The following SMG6 variants were observed in gnomAD, a reference collection of about 807,000 sequenced individuals.
SMG6 encodes SMG6 nonsense mediated mRNA decay factor, also known as telomerase-binding protein EST1A.
A neutral mutation model predicts 142.2 loss-of-function variants in SMG6; 66 were observed. The observed-to-expected ratio is 0.46, with a 90% CI of 0.38 to 0.57. SMG6 has a LOEUF of 0.57. SMG6 is among the 20% of genes least tolerant of loss of function. The probability of loss-of-function intolerance (pLI) is 0.00; values close to 1 mark genes in which losing one functional copy is unlikely to be tolerated. For synonymous variants in SMG6, 779 were observed against 702.4 expected (o/e 1.11, Z -1.72); for missense variants, 1,793 against 1,832.0 (o/e 0.98, Z 0.39).
intron 13 of SMG6, among the ~76,000 whole-genome samples, chr17:2,091,316 C>T (rs150187739): frequency 3.4e-3 from 513 of 152,320 alleles, no homozygotes; most frequent in Non-Finnish European, 5.5e-3. Context: ...CTCCAGAAGG[C>T]AGGAGCGAAA....
intron 3 of SMG6, 110 bp downstream of exon 3, chr17:2,297,753 T>C: frequency 1.5e-6 from 2 of 1,309,626 alleles, no homozygotes; most frequent in South Asian, 1.3e-5. Flanking sequence ...AAAAGGGCAG[T>C]TTTTTTGTCG....
intron 9 of SMG6, among the ~76,000 whole-genome samples, chr17:2,241,645 C>T (rs78935508): frequency 6.6e-6 from 1 of 152,162 alleles, no homozygotes; most frequent in East Asian, 1.9e-4. Flanking sequence ...CCCACCTTGG[C>T]CTCTCAAAAT....
chr17:2,125,343 A>G (rs920027842), intron 13 of SMG6, among the ~76,000 whole-genome samples: 7 of 152,192 alleles, frequency 4.6e-5, no homozygotes, highest in Non-Finnish European at 7.3e-5. Context: ...TGATTCAGAT[A>G]CTACAAGGCC....
intron 1 of SMG6, among the ~76,000 whole-genome samples, chr17:2,301,982 G>A (rs1239499020): frequency 6.6e-6 from 1 of 152,230 alleles, no homozygotes; most frequent in Non-Finnish European, 1.5e-5. Flanking sequence ...GCCAGGTGCA[G>A]TAGCTCACGC....
At chr17:2,066,245 C>T (rs541265891) in intron 16 of SMG6, among the ~76,000 whole-genome samples, 6 of 152,062 alleles carry the variant, frequency 3.9e-5, no homozygotes, top group South Asian at 2.1e-4. Flanking sequence ...TGATACTGCA[C>T]GTGTGTGTGT....
At chr17:2,188,968 C>T (rs1204687911) in intron 10 of SMG6, among the ~76,000 whole-genome samples, 2 of 152,216 alleles carry the variant, frequency 1.3e-5, no homozygotes, top group East Asian at 1.9e-4. Context: ...CCACCCTGAA[C>T]GCGCCCGATC....
At chr17:2,284,533 TCTCA>T (rs991573838) in intron 6 of SMG6, among the ~76,000 whole-genome samples, 1 of 152,190 alleles carries the variant, frequency 6.6e-6, no homozygotes, top group African/African-American at 2.4e-5. Flanking sequence ...CAAAAGGCTT[TCTCA>T]CTTTTTCTCC....
At chr17:2,140,777 G>A (rs1453037063) in intron 13 of SMG6, among the ~76,000 whole-genome samples, 2 of 151,664 alleles carry the variant, frequency 1.3e-5, no homozygotes, top group East Asian at 3.9e-4. Flanking sequence ...AAAAGCCATT[G>A]AAGCTGTCTT....
At chr17:2,170,915 T>C (rs1476582013) in intron 13 of SMG6, among the ~76,000 whole-genome samples, 1 of 152,192 alleles carries the variant, frequency 6.6e-6, no homozygotes, top group Non-Finnish European at 1.5e-5. Flanking sequence ...AAAAGAATTC[T>C]GGGTAACTAT....
At chr17:2,220,976 G>A (rs1198843535) in intron 10 of SMG6, among the ~76,000 whole-genome samples, 3 of 152,166 alleles carry the variant, frequency 2.0e-5, no homozygotes, top group Non-Finnish European at 2.9e-5. Context: ...AATTGCTCCA[G>A]TTAGGTGAAT....
At chr17:2,179,583 T>A (rs1265182324) in intron 12 of SMG6, among the ~76,000 whole-genome samples, 1 of 61,696 alleles carries the variant, frequency 1.6e-5, no homozygotes, top group Non-Finnish European at 3.1e-5. Context: ...ATTTCTAGAG[T>A]TTTTTTTTTT....
In SMG6 at chr17:2,071,119, C is replaced by T. The variant is rs1447257941; in HGVS notation, c.3682-2188G>A. Among the ~76,000 whole-genome samples, 3 of 152,212 alleles carry T rather than the reference C, an allele frequency of 2.0e-5. No individual in the cohort carries two copies. Among genetic ancestry groups the T allele is most frequent in the Non-Finnish European group, 4.4e-5 (3 of 68,044 alleles). On this transcript the variant is annotated intron_variant, in intron 15 of 18. Transcript: ENST00000263073. This position sits in a 1 kb window ranked among gnomAD's most constrained non-coding sequence, Gnocchi z 5.6. ...TAGGGAGACGTGGGAGCAGTGGCAG[C>T]TGGAGTGACAGGGGCTGGGGGTCCG...
intron 9 of SMG6, chr17:2,237,453 C>T: frequency 1.1e-6 from 1 of 925,958 alleles, no homozygotes; most frequent in Non-Finnish European, 1.3e-6. Flanking sequence ...ACTGACTGTT[C>T]CGCCTAACGA....
At chr17:2,105,429 C>T in intron 13 of SMG6, among the ~76,000 whole-genome samples, 1 of 151,948 alleles carries the variant, frequency 6.6e-6, no homozygotes, top group East Asian at 1.9e-4. Context: ...GCCTGTAATC[C>T]CAGCTACCTG....
intron 6 of SMG6, among the ~76,000 whole-genome samples, chr17:2,286,246 T>C (rs1567749129): frequency 1.3e-5 from 2 of 151,410 alleles, no homozygotes; most frequent in African/African-American, 4.9e-5. Context: ...TCCAATGATT[T>C]TGCAAAAATG....
rs1208935912 is a variant in SMG6, at chr17:2,233,764, T to C, written c.2869+2728A>G. On this transcript the variant is annotated intron_variant, in intron 10 of 18. Coordinates refer to ENST00000263073, the MANE Select transcript of SMG6 (RefSeq NM_017575.5). ...ACAGGGGACCAAAGATGATGACTCA[T>C]GTGCTGGGAAATGGAAAAGTGCATC... Among the ~76,000 whole-genome samples the C allele has an allele frequency of 1.0e-4, 15 of 150,454 alleles. No homozygotes were observed. The Admixed American group carries it at 1.0e-3, about 10-fold the overall frequency.
At chr17:2,200,644 G>A (rs754111295) in intron 10 of SMG6, among the ~76,000 whole-genome samples, 1 of 152,098 alleles carries the variant, frequency 6.6e-6, no homozygotes, top group Non-Finnish European at 1.5e-5. Context: ...AGAATTAGAG[G>A]CATGAGCCAC....
intron 16 of SMG6, among the ~76,000 whole-genome samples, chr17:2,067,681 G>A (rs575693076): frequency 9.7e-4 from 147 of 152,262 alleles, no homozygotes; most frequent in African/African-American, 3.3e-3. Context: ...GAAGGAAGAC[G>A]GGGAGGGTGG....
rs369966608 is a variant in SMG6, at chr17:2,232,269, G to A, written c.2869+4223C>T. On this transcript the variant is annotated intron_variant, in intron 10 of 18. Coordinates refer to ENST00000263073, the MANE Select transcript of SMG6 (RefSeq NM_017575.5). ...AAATTAAAATTCTTGGAGTACTTGT[G>A]GTTTAGATCAATAGGTCACCCTCCG... Among the ~76,000 whole-genome samples the A allele has an allele frequency of 9.2e-5, 14 of 152,234 alleles. No homozygotes were observed. The East Asian group carries it at 9.6e-4, about 10-fold the overall frequency.
Sources: allele counts gnomAD v4.1 joint callset (sites outside exome capture counted in the v4.1 genomes callset), GRCh38; gene constraint gnomAD v4.1.1; non-coding constraint Gnocchi (gnomAD v3.1); transcripts MANE v1.5; gene names NCBI Gene and HGNC (gene_info 2026-07-23, HGNC 2026-07-21).